CENPP: variants seen among roughly 807,000 people sequenced by gnomAD.
CENPP encodes the protein centromere protein P.
In CENPP, 24 loss-of-function variants were observed where a neutral mutation model predicts 35.6. The observed-to-expected ratio is 0.67, with a 90% CI of 0.49 to 0.95. The LOEUF (loss-of-function observed/expected upper bound fraction) is 0.95. Ranked by LOEUF, CENPP falls within the 40% of genes least tolerant of loss-of-function variation. CENPP has a pLI of 0.00. For missense variants in CENPP, 332 were observed against 345.3 expected (o/e 0.96, Z 0.31); for synonymous variants, 120 against 125.5 (o/e 0.96, Z 0.29).
chr9:92,435,180 A>T (rs1310263552), intron 5 of CENPP, among the ~76,000 whole-genome samples: 2 of 152,152 alleles, frequency 1.3e-5, no homozygotes, highest in Non-Finnish European at 2.9e-5. Flanking sequence ...CAAGATTCAG[A>T]TGTTTGTCTT....
chr9:92,494,150 C>G (rs1348833629), intron 5 of CENPP: 1 of 1,597,150 alleles, frequency 6.3e-7, no homozygotes, highest in East Asian at 2.2e-5. Context: ...TGAAACACAG[C>G]TGAATAAAGT....
At chr9:92,410,921 C>T (rs1168874778) in intron 5 of CENPP, among the ~76,000 whole-genome samples, 1 of 152,154 alleles carries the variant, frequency 6.6e-6, no homozygotes, top group Non-Finnish European at 1.5e-5. Flanking sequence ...TCAAAGTCAC[C>T]TAGCTTAAAA....
At chr9:92,515,562 G>T (rs1293139509) in intron 5 of CENPP, among the ~76,000 whole-genome samples, 2 of 152,196 alleles carry the variant, frequency 1.3e-5, no homozygotes, top group African/African-American at 4.8e-5. Context: ...ATAATCAGTT[G>T]TGATACCTTT....
chr9:92,370,428 G>A (rs374090037), intron 4 of CENPP, among the ~76,000 whole-genome samples: 6 of 152,108 alleles, frequency 3.9e-5, no homozygotes, highest in South Asian at 2.1e-4. Context: ...GATAGAATAC[G>A]GCTGTTACTC....
intron 5 of CENPP, chr9:92,500,715 G>A: frequency 6.3e-7 from 1 of 1,594,646 alleles, no homozygotes. Flanking sequence ...ACTTGAAAAA[G>A]CCAAAATTTA....
intron 5 of CENPP, among the ~76,000 whole-genome samples, chr9:92,387,814 A>G (rs1298372105): frequency 6.6e-6 from 1 of 151,926 alleles, no homozygotes; most frequent in Admixed American, 6.6e-5. Flanking sequence ...CCCAGGCTGT[A>G]GTGCAGTGTC....
chr9:92,611,055 A>C, intron 5 of CENPP: 8 of 534,720 alleles, frequency 1.5e-5, no homozygotes, highest in African/African-American at 1.9e-5. Flanking sequence ...TGAAATGAGA[A>C]TACAGCTGTA....
intron 4 of CENPP, among the ~76,000 whole-genome samples, chr9:92,366,295 G>C (rs1841888024): frequency 6.6e-6 from 1 of 152,088 alleles, no homozygotes; most frequent in Admixed American, 6.6e-5. Context: ...TACTGGAATT[G>C]GAATGATAGA....
chr9:92,561,634 G>T (rs1323507332), intron 5 of CENPP, among the ~76,000 whole-genome samples: 1 of 152,050 alleles, frequency 6.6e-6, no homozygotes, highest in African/African-American at 2.4e-5. Context: ...TTACCATAAG[G>T]GTGTACATTC....
intron 5 of CENPP, among the ~76,000 whole-genome samples, chr9:92,521,474 C>A (rs1440392734): frequency 6.6e-6 from 1 of 152,086 alleles, no homozygotes; most frequent in Admixed American, 6.6e-5. Flanking sequence ...TATATTATTT[C>A]TGTTAAATAC....
At chr9:92,455,929 G>C (rs377604387) in intron 5 of CENPP, among the ~76,000 whole-genome samples, 2 of 152,096 alleles carry the variant, frequency 1.3e-5, no homozygotes, top group East Asian at 3.9e-4. Context: ...AAATTAGCTG[G>C]GCATGGTGGC....
At chr9:92,329,427 C>T (rs2130772386) in intron 1 of CENPP, among the ~76,000 whole-genome samples, 1 of 152,308 alleles carries the variant, frequency 6.6e-6, no homozygotes, top group South Asian at 2.1e-4. Context: ...CTCAGGTGAT[C>T]TGCCCACCTC....
intron 2 of CENPP, among the ~76,000 whole-genome samples, chr9:92,334,749 G>T (rs921874216): frequency 2.4e-4 from 36 of 151,938 alleles, no homozygotes; most frequent in Non-Finnish European, 5.0e-4. Context: ...GCATGGTGGA[G>T]TGTTCCTGTA....
At chr9:92,370,445 G>A (rs765512712) in intron 4 of CENPP, among the ~76,000 whole-genome samples, 25 of 152,084 alleles carry the variant, frequency 1.6e-4, no homozygotes, top group Admixed American at 2.6e-4. Context: ...ACTCCTTCTG[G>A]TCCTGGTCTT....
intron 5 of CENPP, among the ~76,000 whole-genome samples, chr9:92,422,878 A>G (rs546163613): frequency 3.9e-5 from 6 of 152,204 alleles, no homozygotes; most frequent in African/African-American, 9.6e-5. Context: ...TGCTTTTCAT[A>G]CTCTACAATG....
rs184267998 is a variant in CENPP, at chr9:92,400,293, G to A, written c.564+20434G>A. ...GCTTCCCGAGTAGCTGGGATTACAGGCACCTGCCACCACGCCTGGCTAATT... is the reference window on the plus strand; with the variant it reads ...GCTTCCCGAGTAGCTGGGATTACAGACACCTGCCACCACGCCTGGCTAATT... On this transcript the variant is annotated intron_variant, in intron 5 of 7. Coordinates refer to ENST00000375587, the MANE Select transcript of CENPP (RefSeq NM_001012267.3). Among the ~76,000 whole-genome samples, 33 of 152,180 alleles carry A rather than the reference G, an allele frequency of 2.2e-4. No homozygotes were observed. In the East Asian group the frequency reaches 6.4e-3, roughly 29 times the overall value.
chr9:92,505,434 A>G, intron 5 of CENPP: 2 of 1,061,342 alleles, frequency 1.9e-6, no homozygotes, highest in Non-Finnish European at 2.7e-6. Flanking sequence ...ATGAAACTAG[A>G]GTTTAATTTA....
chr9:92,346,406 A>G (rs1841295677), intron 4 of CENPP, among the ~76,000 whole-genome samples: 1 of 152,204 alleles, frequency 6.6e-6, no homozygotes, highest in Admixed American at 6.5e-5. Flanking sequence ...TTTGCTGAGC[A>G]CTGTGCCAGC....
At chr9:92,349,765 G>C (rs956311794) in intron 4 of CENPP, among the ~76,000 whole-genome samples, 1 of 152,070 alleles carries the variant, frequency 6.6e-6, no homozygotes, top group Non-Finnish European at 1.5e-5. Context: ...ATATATGTTT[G>C]TATGTATACA....
Sources: gnomAD v4.1 joint callset for allele counts (sites outside exome capture counted in the v4.1 genomes callset) on GRCh38, gnomAD v4.1.1 for gene constraint, MANE v1.5 for transcripts, NCBI Gene and HGNC (gene_info 2026-07-23, HGNC 2026-07-21) for gene names.